Variants in CPEB2 observed in about 807,000 individuals in gnomAD.
The protein encoded by CPEB2 is cytoplasmic polyadenylation element-binding protein 2.
Under a neutral mutation model 93.6 loss-of-function variants are expected in CPEB2, and 56 were observed. The ratio of observed to expected loss-of-function variants is 0.60; its 90% CI spans 0.48 to 0.75. The LOEUF (loss-of-function observed/expected upper bound fraction) is 0.75. Among genes scored for constraint, CPEB2 ranks in the 30% least tolerant of loss-of-function variants. The pLI is 0.00. For missense variants in CPEB2, 1,579 were observed against 1,395.1 expected, an observed-to-expected ratio of 1.13 and a Z score of -2.10; for synonymous variants, 764 against 586.3, an observed-to-expected ratio of 1.30 and a Z score of -4.38.
intron 10 of CPEB2, 75 bp downstream of exon 10, chr4:15,059,376 A>G: frequency 1.0e-6 from 1 of 976,068 alleles, no homozygotes; most frequent in South Asian, 1.4e-5. Flanking sequence ...AACGTTTGGA[A>G]GCTATTGTGT....
chr4:15,047,912 T>TA (rs1727860450), intron 6 of CPEB2, among the ~76,000 whole-genome samples: 1 of 143,632 alleles, frequency 7.0e-6, no homozygotes, highest in African/African-American at 2.8e-5. Context: ...CTGGGAGTTG[T>TA]GGTTTTTTTT....
At chr4:15,007,055 G>C (rs1186630432) in intron 1 of CPEB2, among the ~76,000 whole-genome samples, 1 of 152,008 alleles carries the variant, frequency 6.6e-6, no homozygotes, top group East Asian at 1.9e-4. Context: ...GGAACTGCAT[G>C]GTTCTATTTT....
At chr4:15,054,362 G>A in intron 8 of CPEB2, 145 bp downstream of exon 8, 1 of 651,532 alleles carries the variant, frequency 1.5e-6, no homozygotes, top group Admixed American at 3.2e-5. Context: ...AAATGTTTGA[G>A]TATTTTCTCT....
chr4:15,032,237 A>G (rs956157318), intron 4 of CPEB2, among the ~76,000 whole-genome samples: 1 of 152,098 alleles, frequency 6.6e-6, no homozygotes, highest in Non-Finnish European at 1.5e-5. Flanking sequence ...AGGTGGGACT[A>G]CAAGCATGAG....
At chr4:15,020,551 C>T (rs1231069720) in intron 4 of CPEB2, among the ~76,000 whole-genome samples, 1 of 152,064 alleles carries the variant, frequency 6.6e-6, no homozygotes, top group Non-Finnish European at 1.5e-5. Flanking sequence ...TTTCCTACTC[C>T]CCAGTGTTTT....
At chr4:15,032,592 T>A (rs1356771585) in intron 4 of CPEB2, among the ~76,000 whole-genome samples, 2 of 152,112 alleles carry the variant, frequency 1.3e-5, no homozygotes, top group Non-Finnish European at 2.9e-5. Flanking sequence ...TTATAAACTT[T>A]GAAGAAGTTA....
At chr4:15,012,227 G>T (rs1308103047) in intron 3 of CPEB2, among the ~76,000 whole-genome samples, 8 of 151,666 alleles carry the variant, frequency 5.3e-5, no homozygotes. Context: ...TTAAGTAATG[G>T]ATGCCTTCTT....
At chr4:15,023,316 A>G (rs77326179) in intron 4 of CPEB2, among the ~76,000 whole-genome samples, 15,086 of 152,048 alleles carry the variant, frequency 0.099, 1,557 homozygotes, top group African/African-American at 0.25. Flanking sequence ...GTATTTGAAG[A>G]TATATCAAAG....
chr4:15,046,016 T>G (rs1488241340), intron 6 of CPEB2, among the ~76,000 whole-genome samples: 1 of 152,248 alleles, frequency 6.6e-6, no homozygotes, highest in East Asian at 1.9e-4. Context: ...GATAGATGTT[T>G]GAGTTATACA....
intron 6 of CPEB2, among the ~76,000 whole-genome samples, chr4:15,049,143 T>C (rs979946800): frequency 6.6e-5 from 10 of 152,250 alleles, no homozygotes; most frequent in East Asian, 1.9e-4. Context: ...ATAGATGTTT[T>C]TAGTTATATG....
intron 11 of CPEB2, among the ~76,000 whole-genome samples, chr4:15,064,851 A>T (rs2109115540): frequency 6.6e-6 from 1 of 152,234 alleles, no homozygotes; most frequent in East Asian, 1.9e-4. Flanking sequence ...AATTAAGCAT[A>T]ACAATTTTAA....
intron 9 of CPEB2, 50 bp from the exon 10 acceptor site, chr4:15,059,137 A>ATTCTCATAAGACATCAAGGGAG (rs745510892): frequency 1.8e-6 from 2 of 1,101,850 alleles, no homozygotes; most frequent in Non-Finnish European, 2.7e-6. Context: ...CAAACAGAAA[A>ATTCTCATAAGACATCAAGGGAG]TTCTCATAAG....
chr4:15,003,889 C>T lies in CPEB2; in HGVS notation c.1216C>T (p.Pro406Ser). ...GCCGCCGACCCAGCCGCAGCAGCAGCCGCCGCCACCCCAGCAGCCGCCCCA... is the reference window on the plus strand; with the variant it reads ...GCCGCCGACCCAGCCGCAGCAGCAGTCGCCGCCACCCCAGCAGCCGCCCCA... ...QPPPTQPQQQ[P>S]PPPQQPPQPQ... The change falls in exon 1 of 12, where the codon CCG becomes TCG. Residue 406 changes from proline (P) to serine (S), a missense_variant. Physicochemically the swap from Pro to Ser is moderately conservative, Grantham distance 74 (BLOSUM62 -1). Around this residue, in one of 2 missense-constraint regions of CPEB2, gnomAD observed 1,411 missense variants for 1,056.0 expected, o/e 1.34. Transcript: ENST00000538197. 1.1e-6 allele frequency: 1 copy of T among 886,916 alleles called. No homozygotes were observed. The highest frequency in any genetic ancestry group is 1.5e-6 in the Non-Finnish European group (1 of 674,508). The allele number at this position is 886,916 out of a possible 1,614,324, so 54.9% of individuals were successfully genotyped here. A position where few individuals can be genotyped will look rare whatever the true frequency, so the allele number is the denominator to read the frequency against.
At chr4:15,021,818 A>G (rs1290935431) in intron 4 of CPEB2, among the ~76,000 whole-genome samples, 1 of 152,068 alleles carries the variant, frequency 6.6e-6, no homozygotes, top group Non-Finnish European at 1.5e-5. Context: ...CATTTTTATT[A>G]CCTGATTGCT....
intron 4 of CPEB2, among the ~76,000 whole-genome samples, chr4:15,023,769 T>A (rs993905389): frequency 6.6e-6 from 1 of 151,888 alleles, no homozygotes; most frequent in African/African-American, 2.4e-5. Context: ...TTGAACTGAT[T>A]ATGTAATTAT....
chr4:15,002,940 T>C lies in CPEB2; in HGVS notation c.267T>C (p.His89=). The change falls in exon 1 of 12, where the codon CAT becomes CAC. Residue 89 remains histidine, a synonymous_variant. Coordinates refer to ENST00000538197, the MANE Select transcript of CPEB2 (RefSeq NM_001177382.2). ...AASSSSPFLA[H]QQTMQDELLL... ...CCTCTTCCTCCCCGTTCCTGGCGCA[T>C]CAGCAGACCATGCAGGATGAGCTGC... is the stretch of plus-strand genomic sequence containing the variant. 1 of 1,516,052 alleles carries C rather than the reference T, an allele frequency of 6.6e-7. No individual in the cohort carries two copies. Among genetic ancestry groups the C allele is most frequent in the Non-Finnish European group, 8.8e-7 (1 of 1,141,820 alleles). 93.9% of individuals were successfully genotyped at this position (1,516,052 alleles called of 1,614,324 possible).
intron 6 of CPEB2, among the ~76,000 whole-genome samples, chr4:15,047,608 CTAGA>C (rs1727833518): frequency 1.3e-5 from 2 of 151,928 alleles, no homozygotes; most frequent in Admixed American, 6.6e-5. Flanking sequence ...CATTTCTTCC[CTAGA>C]TAAATACAAT....
Position 15,002,832 on chromosome 4 carries a change from G to A in CPEB2, c.159G>A (p.Leu53=). 6.5e-7 allele frequency: 1 copy of A among 1,535,224 alleles called. No individual in the cohort carries two copies. The highest frequency in any genetic ancestry group is 8.7e-7 in the Non-Finnish European group (1 of 1,146,580). Residue 53 remains leucine, a synonymous_variant, in exon 1 of 12, where the codon TTG becomes TTA. Coordinates refer to ENST00000538197, the MANE Select transcript of CPEB2 (RefSeq NM_001177382.2). ...TCGGCCCACTGTCGCCACCACCGTT[G>A]CCTGTCACCGGCTTCTTAGAGGCCG... The part of the protein sequence containing the change: ...TPFGPLSPPP[L]PVTGFLEAAS...
intron 4 of CPEB2, among the ~76,000 whole-genome samples, chr4:15,025,270 T>A (rs1488326412): frequency 6.6e-6 from 1 of 152,154 alleles, no homozygotes; most frequent in Admixed American, 6.5e-5. Context: ...TTACATCTTA[T>A]TCTTGTTGTT....
Sources: allele counts gnomAD v4.1 joint callset (sites outside exome capture counted in the v4.1 genomes callset), GRCh38; gene constraint gnomAD v4.1.1; regional missense constraint gnomAD v4.1.1; transcripts MANE v1.5; gene names NCBI Gene and HGNC (gene_info 2026-07-23, HGNC 2026-07-21).